Variants in PDLIM5 observed in about 807,000 individuals in gnomAD.
The protein encoded by PDLIM5 is PDZ and LIM domain protein 5.
PDLIM5 carries 34 observed loss-of-function variants against 64.2 expected under a neutral mutation model. The observed-to-expected ratio is 0.53, with a 90% CI of 0.40 to 0.71. The LOEUF (loss-of-function observed/expected upper bound fraction) is 0.71, where lower values mean the gene tolerates loss of function less well. Ranked by LOEUF, PDLIM5 falls within the 30% of genes least tolerant of loss-of-function variation. The pLI is 0.00. For missense variants in PDLIM5, 683 were observed against 733.6 expected (o/e 0.93, Z 0.80); for synonymous variants, 253 against 269.1 (o/e 0.94, Z 0.59).
chr4:94,455,097 ATTGCTTT>A, intron 1 of PDLIM5, 143 bp from the exon 2 acceptor site: 1 of 498,678 alleles, frequency 2.0e-6, no homozygotes, highest in South Asian at 4.2e-5. Flanking sequence ...TAGCTCACAG[ATTGCTTT>A]TCTTAAACTG....
At chr4:94,653,377 G>A (rs1177108011) in intron 9 of PDLIM5, among the ~76,000 whole-genome samples, 1 of 152,120 alleles carries the variant, frequency 6.6e-6, no homozygotes, top group African/African-American at 2.4e-5. Context: ...TGGAGGTAAA[G>A]CTGCTCTATG....
At chr4:94,564,113 G>T (rs779545974) in intron 3 of PDLIM5, among the ~76,000 whole-genome samples, 1 of 151,588 alleles carries the variant, frequency 6.6e-6, no homozygotes, top group Admixed American at 6.6e-5. Flanking sequence ...ACAGGCGTGC[G>T]CCACCACACC....
chr4:94,542,313 A>C (rs1165655868), intron 3 of PDLIM5, among the ~76,000 whole-genome samples: 1 of 151,126 alleles, frequency 6.6e-6, no homozygotes, highest in African/African-American at 2.5e-5. Context: ...CTGTCAAATA[A>C]ATAAATAAAT....
chr4:94,616,444 G>A (rs992012129), intron 7 of PDLIM5, among the ~76,000 whole-genome samples: 1 of 151,904 alleles, frequency 6.6e-6, no homozygotes, highest in African/African-American at 2.4e-5. Context: ...AATGTTACTC[G>A]GTACACTTAA....
At chr4:94,561,480 C>A (rs1733838778) in intron 3 of PDLIM5, among the ~76,000 whole-genome samples, 1 of 152,184 alleles carries the variant, frequency 6.6e-6, no homozygotes, top group South Asian at 2.1e-4. Context: ...AACTTCGATG[C>A]TAGAGTTATA....
At chr4:94,610,049 T>C in intron 7 of PDLIM5, 2 of 629,540 alleles carry the variant, frequency 3.2e-6, no homozygotes, top group Non-Finnish European at 2.7e-6. Context: ...CACTTCACAC[T>C]TTTATAATGC....
At position 94,456,239 on chromosome 4, in the gene PDLIM5, C is replaced by T. The variant is rs1723340924; in HGVS notation, c.96+855C>T. On this transcript the variant is annotated intron_variant, in intron 2 of 12. Transcript: ENST00000317968. ...TTGAGACAGAGTTTTGTTCTTGTTGCCCAGGCTGGAGTGCAGTGGCGCAAT... is the reference window on the plus strand; with the variant it reads ...TTGAGACAGAGTTTTGTTCTTGTTGTCCAGGCTGGAGTGCAGTGGCGCAAT... 6 of 450,238 alleles carry T rather than the reference C, an allele frequency of 1.3e-5. No homozygotes were observed. The Middle Eastern group carries it at 1.8e-3, about 136-fold the overall frequency. The allele number at this position is 450,238 out of a possible 1,614,324, so 27.9% of individuals were successfully genotyped here.
At chr4:94,640,160 T>G (rs1175221523) in intron 8 of PDLIM5, 116 bp from the exon 9 acceptor site, 10 of 505,346 alleles carry the variant, frequency 2.0e-5, no homozygotes, top group Non-Finnish European at 3.4e-5. Context: ...TAAATGTGAG[T>G]GAGTGAATAA....
intron 8 of PDLIM5, among the ~76,000 whole-genome samples, chr4:94,625,047 G>T (rs991152226): frequency 6.6e-6 from 1 of 152,146 alleles, no homozygotes; most frequent in Middle Eastern, 3.2e-3. Context: ...TATTGCCCTG[G>T]GCAGTGGCAG....
intron 3 of PDLIM5, among the ~76,000 whole-genome samples, chr4:94,561,590 T>G (rs1733855096): frequency 6.6e-6 from 1 of 152,334 alleles, no homozygotes; most frequent in African/African-American, 2.4e-5. Flanking sequence ...GTCTCAGATC[T>G]TTCTGTGACT....
chr4:94,452,587 T>A (rs1422185871), intron 1 of PDLIM5, among the ~76,000 whole-genome samples: 1 of 152,242 alleles, frequency 6.6e-6, no homozygotes, highest in Non-Finnish European at 1.5e-5. Flanking sequence ...AAGAAACACA[T>A]TTGTCATGAA....
intron 8 of PDLIM5, 82 bp from the exon 9 acceptor site, chr4:94,640,189 TTAAAA>T: frequency 1.5e-6 from 1 of 663,064 alleles, no homozygotes; most frequent in Non-Finnish European, 2.4e-6. Context: ...TAGATTACTG[TTAAAA>T]TAATAATTTT....
At chr4:94,463,559 A>T (rs1331182503) in intron 2 of PDLIM5, among the ~76,000 whole-genome samples, 1 of 152,076 alleles carries the variant, frequency 6.6e-6, no homozygotes, top group Non-Finnish European at 1.5e-5. Flanking sequence ...AAAGAGGAGG[A>T]AGAGGAAGGG....
chr4:94,592,487 A>G (rs546590840), intron 7 of PDLIM5, among the ~76,000 whole-genome samples: 2 of 152,210 alleles, frequency 1.3e-5, no homozygotes, highest in Non-Finnish European at 2.9e-5. Context: ...TACAGACATT[A>G]AAAGGAAGGA....
chr4:94,516,545 T>C (rs1423781685), intron 2 of PDLIM5, among the ~76,000 whole-genome samples: 1 of 151,894 alleles, frequency 6.6e-6, no homozygotes. Context: ...TTTTAGTTGG[T>C]ATGAGGTCTC....
At chr4:94,643,851 A>G (rs988020072) in intron 9 of PDLIM5, among the ~76,000 whole-genome samples, 1 of 152,208 alleles carries the variant, frequency 6.6e-6, no homozygotes, top group African/African-American at 2.4e-5. Flanking sequence ...AAAAACATGC[A>G]TAATTTGTTG....
At chr4:94,644,186 A>G (rs538186169) in intron 9 of PDLIM5, among the ~76,000 whole-genome samples, 6 of 152,348 alleles carry the variant, frequency 3.9e-5, no homozygotes, top group South Asian at 4.1e-4. Context: ...CTGAATTTTC[A>G]TAACAACCCT....
intron 3 of PDLIM5, among the ~76,000 whole-genome samples, chr4:94,572,686 TG>T (rs1179523817): frequency 6.6e-6 from 1 of 152,212 alleles, no homozygotes; most frequent in African/African-American, 2.4e-5. Flanking sequence ...TTATTACTGA[TG>T]ACCTGTTACA....
At chr4:94,496,420 C>T (rs907986465) in intron 2 of PDLIM5, among the ~76,000 whole-genome samples, 2 of 152,164 alleles carry the variant, frequency 1.3e-5, no homozygotes, top group Non-Finnish European at 2.9e-5. Flanking sequence ...GGGCTGCTTT[C>T]GCCAACAGAC....
Sources: gnomAD v4.1 joint callset for allele counts (sites outside exome capture counted in the v4.1 genomes callset) on GRCh38, gnomAD v4.1.1 for gene constraint, MANE v1.5 for transcripts, NCBI Gene and HGNC (gene_info 2026-07-23, HGNC 2026-07-21) for gene names.